Variants in BIN2 observed in about 807,000 individuals in gnomAD.
BIN2 encodes breast cancer associated protein BRAP1.
In BIN2, 43 loss-of-function variants were observed where a neutral mutation model predicts 67.9. The observed-to-expected ratio is 0.63, with a 90% CI of 0.50 to 0.82. BIN2 has a LOEUF of 0.82. Ranked by LOEUF, BIN2 falls within the 40% of genes least tolerant of loss-of-function variation. The probability of loss-of-function intolerance (pLI) is 0.00; values close to 1 mark genes in which losing one functional copy is unlikely to be tolerated. For missense variants in BIN2, 581 were observed against 671.6 expected (o/e 0.87, Z 1.49); for synonymous variants, 244 against 246.8 (o/e 0.99, Z 0.11).
chr12:51,291,679 A>C lies in BIN2; in HGVS notation c.1427T>G (p.Val476Gly). 1.2e-6 allele frequency: 2 copies of C among 1,613,750 alleles called. No individual in the cohort carries two copies. The highest frequency in any genetic ancestry group is 1.7e-6 in the Non-Finnish European group (2 of 1,179,822). ...SPNPEPPEKP[V>G]RTPEAKENEN... The stretch of plus-strand genomic sequence containing the variant: ...ATTTTCTTTGGCCTCAGGAGTTCTT[A>C]CTGGCTTCTCTGGTGGTTCTGGATT... Residue 476 changes from valine to glycine, a missense_variant, in exon 10 of 13, where the codon GTA becomes GGA. Physicochemically the swap from Val to Gly is moderately radical, Grantham distance 109 (BLOSUM62 -3). Transcript: ENST00000615107.
At chr12:51,320,954 A>ACACACACCCACACACACACACAC (rs1555173090) in intron 1 of BIN2, among the ~76,000 whole-genome samples, 1 of 147,240 alleles carries the variant, frequency 6.8e-6, no homozygotes, top group African/African-American at 2.5e-5. Flanking sequence ...CACACACACA[A>ACACACACCCACACACACACACAC]ACACACACAC....
Position 51,295,804 on chromosome 12 carries a change from T to A in BIN2, c.753A>T (p.Gly251=). The part of the protein sequence containing the change: ...QHSNKVFVVK[G]LSSSSRRSLV... ...TCTTGGATGCTGCTCACCTTGACAG[T>A]CCCTTCACCACAAAGACTTTATTGG... The change falls in exon 9 of 13, where the codon GGA becomes GGT. Residue 251 remains glycine (G), a synonymous_variant. Transcript: ENST00000615107. 6.2e-7 allele frequency: 1 copy of A among 1,612,896 alleles called. No individual in the cohort carries two copies. Among genetic ancestry groups the A allele is most frequent in the Non-Finnish European group, 8.5e-7 (1 of 1,179,610 alleles).
intron 5 of BIN2, among the ~76,000 whole-genome samples, chr12:51,301,224 A>T (rs1945713104): frequency 6.6e-6 from 1 of 152,180 alleles, no homozygotes; most frequent in Non-Finnish European, 1.5e-5. Context: ...TCTCAAAAAA[A>T]AGAAAACAAA....
chr12:51,290,875 G>C (rs1383394731), intron 10 of BIN2, among the ~76,000 whole-genome samples: 1 of 152,256 alleles, frequency 6.6e-6, no homozygotes, highest in East Asian at 1.9e-4. Context: ...GGAGCTTGCA[G>C]TGAGCAGAGA....
intron 9 of BIN2, among the ~76,000 whole-genome samples, chr12:51,295,254 T>C (rs1478399111): frequency 6.6e-6 from 1 of 151,754 alleles, no homozygotes; most frequent in Non-Finnish European, 1.5e-5. Context: ...CCTTGAAATA[T>C]TCAGTAAAAA....
At chr12:51,291,344 C>T (rs1322306170) in intron 10 of BIN2, among the ~76,000 whole-genome samples, 1 of 152,062 alleles carries the variant, frequency 6.6e-6, no homozygotes, top group Non-Finnish European at 1.5e-5. Context: ...TGCAGTGGCT[C>T]ACATCTGTAA....
rs1230439328 is a variant in BIN2 at position 51,292,060 on chromosome 12, G to A, written c.1046C>T (p.Ser349Phe). Residue 349 changes from serine (S) to phenylalanine (F), a missense_variant, in exon 10 of 13, where the codon TCT (serine) becomes TTT (phenylalanine). Transcript: ENST00000615107. ...ACNGPAQAQP[S>F]PTTERAKSQE... ...GGACTTGGCCCTTTCAGTGGTAGGA[G>A]AGGGCTGGGCCTGGGCGGGGCCATT... 1.2e-6 allele frequency: 2 copies of A among 1,614,054 alleles called. No individual in the cohort carries two copies. Among genetic ancestry groups the A allele is most frequent in the Non-Finnish European group, 1.7e-6 (2 of 1,180,012 alleles).
intron 2 of BIN2, among the ~76,000 whole-genome samples, chr12:51,305,531 G>T (rs2137408499): frequency 6.6e-6 from 1 of 151,226 alleles, no homozygotes; most frequent in East Asian, 2.0e-4. Context: ...GGCTGAGGCA[G>T]GAGAATCACT....
chr12:51,298,018 G>A (rs1272460176), intron 7 of BIN2, among the ~76,000 whole-genome samples: 1 of 151,990 alleles, frequency 6.6e-6, no homozygotes, highest in African/African-American at 2.4e-5. Flanking sequence ...GGCTGGGGCA[G>A]GTAGATCACC....
chr12:51,288,296 C>G, intron 10 of BIN2, 108 bp from the exon 11 acceptor site: 1 of 840,732 alleles, frequency 1.2e-6, no homozygotes, highest in Non-Finnish European at 2.0e-6. Context: ...AGGAGGCTCC[C>G]GAGGTAGCCT....
chr12:51,288,138 A>T lies in BIN2; in HGVS notation c.1566T>A (p.Asp522Glu). Residue 522 changes from aspartate (D) to glutamate (E), a missense_variant, in exon 11 of 13, where the codon GAT (aspartate) becomes GAA (glutamate). Coordinates refer to ENST00000615107, the MANE Select transcript of BIN2 (RefSeq NM_016293.4). ...AGGAGTTAGCTGAGATAAGCTTATT[A>T]TCCTTTTCCTTGTCTTCCATCTTCT... ...EAKKMEDKEKDNKLISANSSE... is the reference protein window; with the variant it reads ...EAKKMEDKEKENKLISANSSE... 6.2e-7 allele frequency: 1 copy of T among 1,613,916 alleles called. No homozygotes were observed. Among genetic ancestry groups the T allele is most frequent in the Non-Finnish European group, 8.5e-7 (1 of 1,179,798 alleles).
chr12:51,299,393 G>A (rs1945658609), intron 6 of BIN2, 105 bp from the exon 7 acceptor site: 4 of 1,159,098 alleles, frequency 3.5e-6, no homozygotes, highest in Non-Finnish European at 5.1e-6. Context: ...CTTTTTAGGA[G>A]CCATCCCTCT....
intron 7 of BIN2, chr12:51,297,478 A>G (rs1189836783): frequency 5.2e-6 from 1 of 192,724 alleles, no homozygotes; most frequent in Non-Finnish European, 1.1e-5. Context: ...GAGGCAAAAG[A>G]GTCGCTTGAA....
chr12:51,311,305 C>T (rs1336035055), intron 2 of BIN2, among the ~76,000 whole-genome samples: 1 of 152,040 alleles, frequency 6.6e-6, no homozygotes, highest in African/African-American at 2.4e-5. Context: ...CCACCTCGGC[C>T]TCCCACTGGG....
At chr12:51,302,220 G>A (rs981431018) in intron 4 of BIN2, 105 bp from the exon 5 acceptor site, 86 of 749,210 alleles carry the variant, frequency 1.1e-4, no homozygotes, top group Non-Finnish European at 1.8e-4. Flanking sequence ...TTGTAGCACC[G>A]TATTTAGAAT....
intron 7 of BIN2, 75 bp from the exon 8 acceptor site, chr12:51,297,239 G>A (rs541253132): frequency 2.8e-6 from 4 of 1,451,908 alleles, no homozygotes; most frequent in South Asian, 2.4e-5. Flanking sequence ...ATACAAAGTA[G>A]GACTTAAGCC....
intron 2 of BIN2, among the ~76,000 whole-genome samples, chr12:51,305,941 A>G (rs1485655969): frequency 6.7e-6 from 1 of 148,712 alleles, no homozygotes; most frequent in Non-Finnish European, 1.5e-5. Flanking sequence ...TCAAGCGACA[A>G]TTCTCCTGCC....
chr12:51,281,767 CTTTT>C (rs1565666096), intron 12 of BIN2, among the ~76,000 whole-genome samples: 2 of 150,580 alleles, frequency 1.3e-5, no homozygotes, highest in East Asian at 3.9e-4. Context: ...CTTTTTTTTT[CTTTT>C]TGAGACATAG....
chr12:51,317,779 G>A lies in BIN2; in HGVS notation c.82-3876C>T, dbSNP rs375712074. On this transcript the variant is annotated intron_variant, in intron 1 of 12. Transcript: ENST00000615107. ...AGAGGCGGGTGGATCACGAGGTCAGGAGATCGAGACCATCTTGGCTAACAC... is the reference window on the plus strand; with the variant it reads ...AGAGGCGGGTGGATCACGAGGTCAGAAGATCGAGACCATCTTGGCTAACAC... 2.8e-4 allele frequency among the ~76,000 whole-genome samples: 43 copies of A among 152,240 alleles called. 1 individual carries two copies. The East Asian group carries it at 8.1e-3, about 29-fold the overall frequency.
Sources: allele counts gnomAD v4.1 joint callset (sites outside exome capture counted in the v4.1 genomes callset), GRCh38; gene constraint gnomAD v4.1.1; transcripts MANE v1.5; gene names NCBI Gene and HGNC (gene_info 2026-07-23, HGNC 2026-07-21).